Variants in ANO3 observed in about 807,000 individuals in gnomAD.
ANO3 encodes anoctamin-3.
In ANO3, 99 loss-of-function variants were observed where a neutral mutation model predicts 144.8. That is an observed-to-expected ratio of 0.68 (90% CI 0.58 to 0.81). The LOEUF (loss-of-function observed/expected upper bound fraction) is 0.81, where lower values mean the gene tolerates loss of function less well. Ranked by LOEUF, ANO3 falls within the 30% of genes least tolerant of loss-of-function variation. The pLI is 0.00. For missense variants in ANO3, 905 were observed against 1,202.2 expected, an observed-to-expected ratio of 0.75 and a Z score of 3.66; for synonymous variants, 414 against 392.6, an observed-to-expected ratio of 1.05 and a Z score of -0.64.
intron 17 of ANO3, among the ~76,000 whole-genome samples, chr11:26,615,391 A>C (rs1349006806): frequency 6.6e-5 from 8 of 120,972 alleles, no homozygotes; most frequent in Admixed American, 1.8e-4. Context: ...AGCTTCTGTC[A>C]GTTTATATAT....
intron 1 of ANO3, among the ~76,000 whole-genome samples, chr11:26,321,787 A>G (rs1443389253): frequency 2.6e-5 from 4 of 152,052 alleles, no homozygotes; most frequent in Non-Finnish European, 5.9e-5. Flanking sequence ...GTCCTATAAA[A>G]TTCCTTAGTG....
rs1004929471 is a variant in ANO3 at position 26,321,809 on chromosome 11, T to C, written c.-3+12090T>C. On this transcript the variant is annotated intron_variant, in intron 1 of 26. Coordinates refer to the ANO3 transcript ENST00000525139. ...AAAATTCCTTAGTGGTCAGGAATTT[T>C]ACAAGATATGTCAGGATAAGTGTCT... Among the ~76,000 whole-genome samples the C allele has an allele frequency of 2.0e-4, 30 of 152,206 alleles. No individual in the cohort carries two copies. In the Middle Eastern group the frequency reaches 0.01, roughly 52 times the overall value.
At chr11:26,197,414 T>C (rs1480991119) in intron 1 of ANO3, among the ~76,000 whole-genome samples, 7 of 152,296 alleles carry the variant, frequency 4.6e-5, no homozygotes, top group Admixed American at 2.6e-4. Flanking sequence ...AGTGGCGCAA[T>C]CTCGGCTCAC....
At chr11:26,622,583 G>A (rs11605160) in intron 17 of ANO3, among the ~76,000 whole-genome samples, 23,145 of 152,112 alleles carry the variant, frequency 0.15, 2,054 homozygotes, top group East Asian at 0.33. Context: ...TCCAGCCTGG[G>A]TGTTAGAGTG....
At chr11:26,498,682 T>C (rs1861067258) in intron 4 of ANO3, among the ~76,000 whole-genome samples, 1 of 151,692 alleles carries the variant, frequency 6.6e-6, no homozygotes, top group Non-Finnish European at 1.5e-5. Context: ...TTAGAATAAA[T>C]TATTACAGCC....
At chr11:26,418,763 G>A (rs1000846666) in intron 1 of ANO3, among the ~76,000 whole-genome samples, 5 of 151,840 alleles carry the variant, frequency 3.3e-5, no homozygotes, top group African/African-American at 1.2e-4. Flanking sequence ...TGTCCTTCAA[G>A]CTTATATATA....
At chr11:26,391,985 G>A (rs1456801117) in intron 1 of ANO3, among the ~76,000 whole-genome samples, 1 of 308 alleles carries the variant, frequency 3.2e-3, no homozygotes, top group East Asian at 0.12. Context: ...AAAAATGTCG[G>A]AAAACAACAG....
At chr11:26,635,091 G>A (rs1469362775) in intron 20 of ANO3, 21 bp downstream of exon 20, 4 of 1,611,108 alleles carry the variant, frequency 2.5e-6, no homozygotes, top group African/African-American at 1.3e-5. Context: ...TTGGGAGTGT[G>A]GGTGCAGGAA....
chr11:26,641,591 G>A (rs1054829319), intron 21 of ANO3, among the ~76,000 whole-genome samples: 1 of 152,114 alleles, frequency 6.6e-6, no homozygotes, highest in African/African-American at 2.4e-5. Flanking sequence ...GACCATTTTA[G>A]TGTATAGAGC....
chr11:26,272,825 A>G (rs930773824), intron 1 of ANO3, among the ~76,000 whole-genome samples: 2 of 152,184 alleles, frequency 1.3e-5, no homozygotes, highest in African/African-American at 2.4e-5. Flanking sequence ...ACCAGGTTAT[A>G]AAGCAGCAAA....
intron 4 of ANO3, among the ~76,000 whole-genome samples, chr11:26,486,473 T>C (rs1858109): frequency 0.053 from 8,077 of 152,270 alleles, 406 homozygotes; most frequent in African/African-American, 0.13. Context: ...TTATTTGTGA[T>C]GTGACTACAT....
chr11:26,637,466 A>G (rs1852999134), intron 20 of ANO3, among the ~76,000 whole-genome samples: 1 of 152,214 alleles, frequency 6.6e-6, no homozygotes, highest in Non-Finnish European at 1.5e-5. Flanking sequence ...TCAACACTGT[A>G]TGGCCTTGGG....
chr11:26,440,494 A>G (rs1858473160), intron 1 of ANO3, among the ~76,000 whole-genome samples: 1 of 152,194 alleles, frequency 6.6e-6, no homozygotes, highest in Non-Finnish European at 1.5e-5. Context: ...AAATGACAGT[A>G]ATAAAGAAGA....
intron 17 of ANO3, 83 bp from the exon 18 acceptor site, chr11:26,624,379 T>A (rs1398345878): frequency 1.4e-5 from 13 of 935,360 alleles, no homozygotes; most frequent in Non-Finnish European, 2.2e-5. Context: ...ACATACATTA[T>A]AGATGTTTCT....
rs569673076 is a variant in ANO3 at position 26,351,286 on chromosome 11, C to T, written c.46+18965C>T. 6.6e-5 allele frequency among the ~76,000 whole-genome samples: 10 copies of T among 152,048 alleles called. No individual in the cohort carries two copies. In the South Asian group the frequency reaches 2.1e-3, roughly 32 times the overall value. ...AATATCTGCCAAGTTATATGTGACC[C>T]TAAATCACGTTTTTAACTTACCCTG... On this transcript the variant is annotated intron_variant, in intron 1 of 26. Coordinates refer to ENST00000256737, the MANE Select transcript of ANO3 (RefSeq NM_031418.4).
intron 14 of ANO3, among the ~76,000 whole-genome samples, chr11:26,562,424 A>G (rs576355800): frequency 1.3e-5 from 2 of 151,948 alleles, no homozygotes; most frequent in South Asian, 2.1e-4. Flanking sequence ...CAGAAAACAC[A>G]TATTTTTTTC....
At chr11:26,371,671 T>C (rs1856261528) in intron 1 of ANO3, among the ~76,000 whole-genome samples, 1 of 152,224 alleles carries the variant, frequency 6.6e-6, no homozygotes, top group Non-Finnish European at 1.5e-5. Context: ...CCTCTTGCAT[T>C]AGCATGATGT....
intron 1 of ANO3, among the ~76,000 whole-genome samples, chr11:26,352,976 C>A (rs541279046): frequency 1.3e-5 from 2 of 152,226 alleles, no homozygotes; most frequent in South Asian, 2.1e-4. Context: ...AGAAATAACT[C>A]AAAAATGAGT....
intron 23 of ANO3, among the ~76,000 whole-genome samples, chr11:26,645,530 C>CA (rs1853317015): frequency 6.6e-6 from 1 of 152,022 alleles, no homozygotes; most frequent in South Asian, 2.1e-4. Flanking sequence ...ATTATACTGT[C>CA]ATCAAAGTTT....
Sources: gnomAD v4.1 joint callset for allele counts (sites outside exome capture counted in the v4.1 genomes callset) on GRCh38, gnomAD v4.1.1 for gene constraint, MANE v1.5 for transcripts, NCBI Gene and HGNC (gene_info 2026-07-23, HGNC 2026-07-21) for gene names.